KIAA1549: variants seen among roughly 807,000 people sequenced by gnomAD.
KIAA1549 encodes KIAA1549.
A neutral mutation model predicts 156.4 loss-of-function variants in KIAA1549; 70 were observed. The observed-to-expected ratio is 0.45, with a 90% CI of 0.37 to 0.55. The LOEUF (loss-of-function observed/expected upper bound fraction) is 0.55, where lower values mean the gene tolerates loss of function less well. KIAA1549 is among the 20% of genes least tolerant of loss of function. The pLI is 0.00. For synonymous variants in KIAA1549, 1,103 were observed against 1,066.4 expected (o/e 1.03, Z -0.67); for missense variants, 2,428 against 2,540.9 (o/e 0.96, Z 0.96).
intron 1 of KIAA1549, among the ~76,000 whole-genome samples, chr7:138,930,715 G>C (rs1812844271): frequency 6.6e-6 from 1 of 152,240 alleles, no homozygotes. Context: ...TGTTGCAGCT[G>C]ATTTAATCTA....
intron 10 of KIAA1549, among the ~76,000 whole-genome samples, chr7:138,892,972 G>A (rs1010926379): frequency 6.6e-6 from 1 of 152,206 alleles, no homozygotes; most frequent in South Asian, 2.1e-4. Flanking sequence ...GTTAGTAACA[G>A]TGGACTGACT....
chr7:138,867,538 G>C (rs912908833), intron 15 of KIAA1549, among the ~76,000 whole-genome samples: 2 of 147,728 alleles, frequency 1.4e-5, no homozygotes, highest in Admixed American at 1.3e-4. Context: ...CTGGGCAACA[G>C]AGTAAGACCC....
intron 12 of KIAA1549, among the ~76,000 whole-genome samples, chr7:138,873,936 A>ATATATCACACATATATATTATATAAT (rs34150428): frequency 1.3e-5 from 2 of 149,326 alleles, no homozygotes; most frequent in South Asian, 4.2e-4. Flanking sequence ...TACATATAAT[A>ATATATCACACATATATATTATATAAT]TATATCACAC....
chr7:138,926,720 C>T (rs770719476), intron 1 of KIAA1549, among the ~76,000 whole-genome samples: 5 of 152,148 alleles, frequency 3.3e-5, no homozygotes, highest in African/African-American at 4.8e-5. Context: ...CTTGTTTCTC[C>T]ACCGCAAAAT....
intron 8 of KIAA1549, among the ~76,000 whole-genome samples, chr7:138,900,838 G>A (rs1015898202): frequency 3.3e-5 from 5 of 152,184 alleles, no homozygotes; most frequent in South Asian, 2.1e-4. Flanking sequence ...AGCAGCCTGC[G>A]GCCCTCGCCA....
intron 10 of KIAA1549, among the ~76,000 whole-genome samples, chr7:138,886,104 C>T (rs962745135): frequency 6.6e-6 from 1 of 152,054 alleles, no homozygotes; most frequent in Non-Finnish European, 1.5e-5. Context: ...CGAGTTTTTC[C>T]ACTCACACAC....
intron 12 of KIAA1549, 82 bp from the exon 13 acceptor site, chr7:138,871,444 A>G: frequency 7.8e-7 from 1 of 1,285,708 alleles, no homozygotes; most frequent in Non-Finnish European, 1.0e-6. Context: ...ATTATTCTTT[A>G]AAGAATCTTT....
Position 138,906,911 on chromosome 7 carries a change from G to GCGA in KIAA1549, c.3460+7_3460+8insTCG. 1 of 1,578,548 alleles carries GCGA rather than the reference G, an allele frequency of 6.3e-7. No individual in the cohort carries two copies. The highest frequency in any genetic ancestry group is 8.6e-7 in the Non-Finnish European group (1 of 1,164,692). On this transcript the variant is annotated splice_region_variant and intron_variant, in intron 6 of 19. Coordinates refer to ENST00000422774, the MANE Select transcript of KIAA1549 (RefSeq NM_001164665.2). ...CCTCCCCAGCATGTCCAAGAGGGCT[G>GCGA]TACTCACGCTCTGCGATCTGCAGCA... is the stretch of plus-strand genomic sequence containing the variant.
At chr7:138,962,905 G>T (rs775906283) in intron 1 of KIAA1549, among the ~76,000 whole-genome samples, 1 of 152,154 alleles carries the variant, frequency 6.6e-6, no homozygotes, top group African/African-American at 2.4e-5. Flanking sequence ...ACAGTTCTGC[G>T]GTCCTACATC....
rs1241315221 is a variant in KIAA1549, at chr7:138,909,080, T to C, written c.3187A>G (p.Asn1063Asp). Residue 1063 changes from asparagine (N) to aspartate (D), a missense_variant, in exon 5 of 20, where the codon AAC becomes GAC. Transcript: ENST00000422774. ...CCTTTCTCAATGCGCTGGGTGAAGTTGCAGAAGCCAGTATCCACACTCGGA... is the reference window on the plus strand; with the variant it reads ...CCTTTCTCAATGCGCTGGGTGAAGTCGCAGAAGCCAGTATCCACACTCGGA... Reference protein sequence around the residue: ...VPPSVDTGFCNFTQRIEKGLM... With the variant: ...VPPSVDTGFCDFTQRIEKGLM... The C allele has an allele frequency of 1.2e-6, 2 of 1,613,486 alleles. No homozygotes were observed. The highest frequency in any genetic ancestry group is 2.2e-5 in the East Asian group (1 of 44,894).
At chr7:138,873,816 C>T (rs1811003359) in intron 12 of KIAA1549, among the ~76,000 whole-genome samples, 1 of 151,554 alleles carries the variant, frequency 6.6e-6, no homozygotes, top group Non-Finnish European at 1.5e-5. Context: ...GCTGAGGGAC[C>T]AAGCGGAGGA....
chr7:138,855,309 C>CCTT (rs1490754373), intron 16 of KIAA1549, among the ~76,000 whole-genome samples: 1 of 152,186 alleles, frequency 6.6e-6, no homozygotes, highest in Non-Finnish European at 1.5e-5. Context: ...AGGCGTTGGA[C>CCTT]CTTCAGCAAC....
At chr7:138,955,497 TG>T (rs1286355179) in intron 1 of KIAA1549, among the ~76,000 whole-genome samples, 5 of 152,098 alleles carry the variant, frequency 3.3e-5, no homozygotes, top group Non-Finnish European at 7.4e-5. Flanking sequence ...AGTTGCTTGA[TG>T]GGTACAGAGG....
chr7:138,914,781 G>A (rs1812268764), intron 2 of KIAA1549, among the ~76,000 whole-genome samples: 1 of 152,086 alleles, frequency 6.6e-6, no homozygotes. Flanking sequence ...CTTAACAATG[G>A]CTGAATTTTA....
At chr7:138,942,301 C>T (rs1211694516) in intron 1 of KIAA1549, among the ~76,000 whole-genome samples, 1 of 152,016 alleles carries the variant, frequency 6.6e-6, no homozygotes, top group African/African-American at 2.4e-5. Flanking sequence ...TATTAAAAAC[C>T]ACTTCCCAAT....
intron 1 of KIAA1549, among the ~76,000 whole-genome samples, chr7:138,970,669 G>A (rs1204204231): frequency 6.6e-6 from 1 of 152,146 alleles, no homozygotes; most frequent in Non-Finnish European, 1.5e-5. Flanking sequence ...GCTCCCAGGC[G>A]ATGCTGATGC....
At chr7:138,879,895 C>T (rs1285699429) in intron 11 of KIAA1549, among the ~76,000 whole-genome samples, 2 of 152,162 alleles carry the variant, frequency 1.3e-5, no homozygotes, top group Non-Finnish European at 2.9e-5. Flanking sequence ...AAATGCTAGA[C>T]AATTAAGTGC....
In KIAA1549 at chr7:138,837,212, C is replaced by T. The variant is rs1473607276; in HGVS notation, c.*694G>A. The stretch of plus-strand genomic sequence containing the variant: ...TTTTTCTAGAACAAAATGAAACCTT[C>T]AACATATTCTTCCACTGAAAAAGCC... On this transcript the variant is annotated 3_prime_UTR_variant, in exon 20 of 20. Transcript: ENST00000422774. 8.8e-6 allele frequency: 2 copies of T among 226,686 alleles called. No individual in the cohort carries two copies. The highest frequency in any genetic ancestry group is 5.7e-5 in the Admixed American group (1 of 17,512). 14.0% of individuals were successfully genotyped at this position (226,686 alleles called of 1,614,324 possible).
intron 18 of KIAA1549, among the ~76,000 whole-genome samples, chr7:138,843,367 C>T (rs1809977906): frequency 6.6e-6 from 1 of 152,140 alleles, no homozygotes; most frequent in Non-Finnish European, 1.5e-5. Flanking sequence ...GGTTGGCCCA[C>T]TTAATTTATA....
Sources: allele counts gnomAD v4.1 joint callset (sites outside exome capture counted in the v4.1 genomes callset), GRCh38; gene constraint gnomAD v4.1.1; transcripts MANE v1.5; gene names NCBI Gene and HGNC (gene_info 2026-07-23, HGNC 2026-07-21).